The following PGBD5 variants were observed in gnomAD, a reference collection of about 807,000 sequenced individuals.
PGBD5 encodes piggyBac transposable element-derived protein 5.
A neutral mutation model predicts 47.9 loss-of-function variants in PGBD5; 14 were observed. The observed-to-expected ratio is 0.29, with a 90% CI of 0.19 to 0.46. The LOEUF (loss-of-function observed/expected upper bound fraction) is 0.46, where lower values mean the gene tolerates loss of function less well. PGBD5 is among the 20% of genes least tolerant of loss of function. The pLI, the probability that PGBD5 is intolerant of heterozygous loss-of-function variation, is 1.00. For missense variants in PGBD5, 635 were observed against 716.0 expected, an observed-to-expected ratio of 0.89 and a Z score of 1.29; for synonymous variants, 316 against 306.3, an observed-to-expected ratio of 1.03 and a Z score of -0.33.
chr1:230,315,950 A>AATATG lies in PGBD5; in HGVS notation c.*7474_*7475insCATAT, dbSNP rs1193647863. 26 of 115,372 alleles carry AATATG rather than the reference A, an allele frequency of 2.3e-4. 1 individual carries two copies. Among genetic ancestry groups the AATATG allele is most frequent in the Admixed American group, 4.6e-4 (5 of 10,928 alleles). The allele number at this position is 115,372 out of a possible 1,614,324, so 7.1% of individuals were successfully genotyped here. A position where few individuals can be genotyped will look rare whatever the true frequency, so the allele number is the denominator to read the frequency against. ...TGTACACATATATGTATGTGTATAC[A>AATATG]TACATAAGTATATGTGTACACATAT... On this transcript the variant is annotated 3_prime_UTR_variant, in exon 7 of 7. Coordinates refer to ENST00000391860, the MANE Select transcript of PGBD5 (RefSeq NM_001258311.2).
rs1182196503 is a variant in PGBD5 at position 230,370,375 on chromosome 1, C to T, written c.332-13054G>A. Among the ~76,000 whole-genome samples, 3 of 152,112 alleles carry T rather than the reference C, an allele frequency of 2.0e-5. No individual in the cohort carries two copies. The East Asian group carries it at 5.8e-4, about 29-fold the overall frequency. On this transcript the variant is annotated intron_variant, in intron 1 of 6. Transcript: ENST00000391860. ...CTCCCCTTTCTCAAGGTCACGCTTCCAGAGCCCAGCTCCAGAAGTGTTGCC... is the reference window on the plus strand; with the variant it reads ...CTCCCCTTTCTCAAGGTCACGCTTCTAGAGCCCAGCTCCAGAAGTGTTGCC...
In PGBD5 at chr1:230,425,608, C is replaced by T. The variant is rs2102759164; in HGVS notation, c.321G>A (p.Glu107=). 8.2e-7 allele frequency: 1 copy of T among 1,220,148 alleles called. No homozygotes were observed. The highest frequency in any genetic ancestry group is 3.3e-5 in the East Asian group (1 of 30,644). The allele number at this position is 1,220,148 out of a possible 1,614,324, so 75.6% of individuals were successfully genotyped here. A position where few individuals can be genotyped will look rare whatever the true frequency, so the allele number is the denominator to read the frequency against. ...ALRDRPPPRF[E]DTGGPTRKMP... Reference sequence around the variant, plus strand: ...CGGGCAGCCCCTTACCGCCGGTATCCTCGAAGCGCGGGGGCGGGCGGTCCC... The same window carrying T: ...CGGGCAGCCCCTTACCGCCGGTATCTTCGAAGCGCGGGGGCGGGCGGTCCC... The change falls in exon 1 of 7, where the codon GAG becomes GAA. Residue 107 remains glutamate (E), a synonymous_variant. Transcript: ENST00000391860. This position sits in a 1 kb window ranked among gnomAD's most constrained non-coding sequence, Gnocchi z 4.7.
chr1:230,380,456 G>A (rs905590799), intron 1 of PGBD5, among the ~76,000 whole-genome samples: 2 of 152,182 alleles, frequency 1.3e-5, no homozygotes, highest in Admixed American at 1.3e-4. Flanking sequence ...CACCCTAAAG[G>A]CTGGTCACTT....
chr1:230,374,912 G>C (rs1558204014), intron 1 of PGBD5, among the ~76,000 whole-genome samples: 1 of 152,198 alleles, frequency 6.6e-6, no homozygotes, highest in Non-Finnish European at 1.5e-5. Flanking sequence ...GGCCACAGGA[G>C]CCCATGAGGA....
intron 1 of PGBD5, chr1:230,362,195 T>C: frequency 7.6e-7 from 1 of 1,309,424 alleles, no homozygotes; most frequent in Non-Finnish European, 1.0e-6. Flanking sequence ...CACGAGAGGG[T>C]GGGGGAGGAT....
chr1:230,315,203 C>A lies in PGBD5; in HGVS notation c.*8222G>T, dbSNP rs1304665029. On this transcript the variant is annotated 3_prime_UTR_variant, in exon 7 of 7. Transcript: ENST00000391860. Reference sequence around the variant, plus strand: ...CACTGAGAACCAGCCACCCCCTCACCCCCCACCAGAGTTCCCTGAAGGAAC... The same window carrying A: ...CACTGAGAACCAGCCACCCCCTCACACCCCACCAGAGTTCCCTGAAGGAAC... The A allele has an allele frequency of 1.3e-5, 2 of 152,276 alleles. No individual in the cohort carries two copies. The highest frequency in any genetic ancestry group is 2.9e-5 in the Non-Finnish European group (2 of 68,150). 9.4% of individuals were successfully genotyped at this position (152,276 alleles called of 1,614,324 possible).
At chr1:230,373,450 G>C (rs968462834) in intron 1 of PGBD5, among the ~76,000 whole-genome samples, 7 of 152,200 alleles carry the variant, frequency 4.6e-5, no homozygotes, top group African/African-American at 7.2e-5. Flanking sequence ...TGAGGGGGAC[G>C]AGGGTGCCAA....
At chr1:230,403,158 A>C (rs1657184246) in intron 1 of PGBD5, among the ~76,000 whole-genome samples, 1 of 152,232 alleles carries the variant, frequency 6.6e-6, no homozygotes, top group African/African-American at 2.4e-5. Flanking sequence ...AGCACCTAAG[A>C]GTTTGACCAA....
At chr1:230,403,104 T>C (rs760267901) in intron 1 of PGBD5, among the ~76,000 whole-genome samples, 1 of 152,214 alleles carries the variant, frequency 6.6e-6, no homozygotes, top group Non-Finnish European at 1.5e-5. Context: ...ATGGCAAGCA[T>C]GCCTCCAGGC....
intron 1 of PGBD5, among the ~76,000 whole-genome samples, chr1:230,392,581 C>A (rs889085319): frequency 6.6e-6 from 1 of 152,190 alleles, no homozygotes; most frequent in Admixed American, 6.5e-5. Context: ...CTGCTCAGCC[C>A]CTGCCTCCTC....
At chr1:230,413,944 T>A (rs557460750) in intron 1 of PGBD5, among the ~76,000 whole-genome samples, 1 of 152,212 alleles carries the variant, frequency 6.6e-6, no homozygotes, top group African/African-American at 2.4e-5. Context: ...AAAGAAGATA[T>A]GAAGCCTACA....
intron 1 of PGBD5, chr1:230,362,177 C>T: frequency 7.9e-7 from 1 of 1,260,416 alleles, no homozygotes. Context: ...AGCAGGCTCA[C>T]TCTGCTGCAC....
chr1:230,370,537 T>C (rs1007540516), intron 1 of PGBD5, among the ~76,000 whole-genome samples: 3 of 152,240 alleles, frequency 2.0e-5, no homozygotes, highest in Non-Finnish European at 4.4e-5. Flanking sequence ...GATTCACTTA[T>C]TCTTTGATGA....
intron 2 of PGBD5, 106 bp from the exon 3 acceptor site, chr1:230,351,198 C>G: frequency 1.6e-6 from 2 of 1,289,982 alleles, no homozygotes; most frequent in South Asian, 3.3e-5. Context: ...AGCTCTGTGA[C>G]CTTAACTAAG....
At chr1:230,339,464 T>A (rs1445978596) in intron 3 of PGBD5, among the ~76,000 whole-genome samples, 2 of 152,090 alleles carry the variant, frequency 1.3e-5, no homozygotes, top group African/African-American at 2.4e-5. Flanking sequence ...CTCAAAAAAA[T>A]TAAAAATAGA....
chr1:230,401,365 G>A lies in PGBD5; in HGVS notation c.331+24233C>T, dbSNP rs151009778. On this transcript the variant is annotated intron_variant, in intron 1 of 6. Coordinates refer to ENST00000391860, the MANE Select transcript of PGBD5 (RefSeq NM_001258311.2). The stretch of plus-strand genomic sequence containing the variant: ...GCCTCCAACAGGCAGTACGTGCTCC[G>A]GGACTGCTCATCCCCGTTGAGGTGG... 9.2e-5 allele frequency among the ~76,000 whole-genome samples: 14 copies of A among 152,270 alleles called. No individual in the cohort carries two copies. The South Asian group carries it at 1.4e-3, about 16-fold the overall frequency.
At chr1:230,376,199 T>C (rs1464454349) in intron 1 of PGBD5, among the ~76,000 whole-genome samples, 1 of 152,126 alleles carries the variant, frequency 6.6e-6, no homozygotes, top group Non-Finnish European at 1.5e-5. Context: ...GCTGATGTGC[T>C]GTGTAATTTA....
intron 4 of PGBD5, among the ~76,000 whole-genome samples, chr1:230,334,398 CAA>C (rs781709793): frequency 1.2e-4 from 18 of 152,332 alleles, no homozygotes; most frequent in African/African-American, 3.6e-4. Context: ...CACCACCAGC[CAA>C]AGAGAAGCTG....
At chr1:230,393,763 T>A (rs748865660) in intron 1 of PGBD5, among the ~76,000 whole-genome samples, 9 of 145,144 alleles carry the variant, frequency 6.2e-5, no homozygotes, top group Non-Finnish European at 1.3e-4. Flanking sequence ...AAGCGGAGCT[T>A]GCAGTGAGCG....
Sources: allele counts gnomAD v4.1 joint callset (sites outside exome capture counted in the v4.1 genomes callset), GRCh38; gene constraint gnomAD v4.1.1; non-coding constraint Gnocchi (gnomAD v3.1); transcripts MANE v1.5; gene names NCBI Gene and HGNC (gene_info 2026-07-23, HGNC 2026-07-21).